CSMD1: variants seen among roughly 807,000 people sequenced by gnomAD.
The protein encoded by CSMD1 is CUB and Sushi multiple domains 1.
In CSMD1, 213 loss-of-function variants were observed where a neutral mutation model predicts 417.5. That is an observed-to-expected ratio of 0.51 (90% confidence interval 0.46 to 0.57). CSMD1 has a LOEUF of 0.57. CSMD1 is among the 20% of genes least tolerant of loss of function. CSMD1 has a pLI of 0.00. For synonymous variants in CSMD1, 2,862 were observed against 1,736.8 expected (o/e 1.65, Z -16.11); for missense variants, 6,923 against 4,529.7 (o/e 1.53, Z -15.17).
At chr8:3,484,497 TAGA>T (rs1817914277) in intron 11 of CSMD1, among the ~76,000 whole-genome samples, 1 of 152,176 alleles carries the variant, frequency 6.6e-6, no homozygotes, top group Non-Finnish European at 1.5e-5. Context: ...GGAATATGTA[TAGA>T]AGGACTCCTC....
intron 3 of CSMD1, among the ~76,000 whole-genome samples, chr8:4,417,970 CTT>C (rs572785026): frequency 1.4e-4 from 22 of 151,908 alleles, no homozygotes; most frequent in Non-Finnish European, 1.8e-4. Flanking sequence ...ATTATCTTAC[CTT>C]ACTCTTCCAC....
At chr8:4,195,077 G>T (rs1368078920) in intron 3 of CSMD1, among the ~76,000 whole-genome samples, 1 of 152,156 alleles carries the variant, frequency 6.6e-6, no homozygotes, top group Non-Finnish European at 1.5e-5. Flanking sequence ...GTTACGCCTA[G>T]AATTCTGCCC....
intron 2 of CSMD1, among the ~76,000 whole-genome samples, chr8:4,469,534 C>T (rs1800398423): frequency 2.0e-5 from 3 of 152,152 alleles, no homozygotes. Context: ...CGGAGCCTTC[C>T]TCTTCTCAAT....
chr8:4,006,510 C>G (rs1454207169), intron 4 of CSMD1, among the ~76,000 whole-genome samples: 2 of 152,186 alleles, frequency 1.3e-5, no homozygotes, highest in Admixed American at 1.3e-4. Context: ...CCCCACTGCA[C>G]TTGGCCTGAG....
chr8:4,341,159 G>T (rs1800455431), intron 3 of CSMD1, among the ~76,000 whole-genome samples: 1 of 152,062 alleles, frequency 6.6e-6, no homozygotes. Context: ...TTTTGAATTA[G>T]TAGGCGTTGA....
intron 2 of CSMD1, among the ~76,000 whole-genome samples, chr8:4,618,139 A>G (rs956346790): frequency 6.6e-6 from 1 of 152,098 alleles, no homozygotes; most frequent in Non-Finnish European, 1.5e-5. Context: ...GTCCTTCAAG[A>G]AAACAAAACC....
intron 3 of CSMD1, among the ~76,000 whole-genome samples, chr8:4,150,212 C>T (rs1043672370): frequency 1.3e-5 from 2 of 152,148 alleles, no homozygotes; most frequent in Non-Finnish European, 2.9e-5. Flanking sequence ...AGGATCGGCC[C>T]CAGGAAAACA....
At chr8:2,970,869 A>T (rs1804399101) in intron 57 of CSMD1, among the ~76,000 whole-genome samples, 1 of 152,222 alleles carries the variant, frequency 6.6e-6, no homozygotes, top group Non-Finnish European at 1.5e-5. Flanking sequence ...CATTTTTTGT[A>T]ACTCCACACT....
At chr8:4,661,043 C>A (rs192016864) in intron 1 of CSMD1, among the ~76,000 whole-genome samples, 3 of 152,074 alleles carry the variant, frequency 2.0e-5, no homozygotes, top group African/African-American at 2.4e-5. Context: ...CACAGCCACC[C>A]CGGGAAACAG....
chr8:4,740,071 C>G (rs1398651632), intron 1 of CSMD1, among the ~76,000 whole-genome samples: 1 of 152,014 alleles, frequency 6.6e-6, no homozygotes, highest in Non-Finnish European at 1.5e-5. Context: ...CTGAGAACTC[C>G]AAGCAGAATC....
chr8:3,849,679 T>C (rs910640127), intron 5 of CSMD1, among the ~76,000 whole-genome samples: 4 of 152,276 alleles, frequency 2.6e-5, no homozygotes, highest in South Asian at 2.1e-4. Flanking sequence ...TTTAGTGATG[T>C]TGTCAACTGC....
intron 18 of CSMD1, among the ~76,000 whole-genome samples, chr8:3,373,987 T>TCTTTGCC (rs767093568): frequency 4.1e-4 from 62 of 150,970 alleles, no homozygotes; most frequent in Non-Finnish European, 2.4e-4. Context: ...GAGACTTGCT[T>TCTTTGCC]CTTTGCCCAG....
chr8:3,817,003 A>G (rs1199870018), intron 5 of CSMD1, among the ~76,000 whole-genome samples: 1 of 152,128 alleles, frequency 6.6e-6, no homozygotes, highest in African/African-American at 2.4e-5. Context: ...AATGCTTCTC[A>G]TTGTGTTGTA....
intron 26 of CSMD1, among the ~76,000 whole-genome samples, chr8:3,272,740 G>T (rs373585622): frequency 2.7e-5 from 4 of 145,992 alleles, no homozygotes; most frequent in Non-Finnish European, 6.0e-5. Flanking sequence ...TTTGTCTGTT[G>T]TTGGTGTATA....
intron 26 of CSMD1, among the ~76,000 whole-genome samples, chr8:3,250,079 C>G (rs944397831): frequency 3.9e-5 from 6 of 152,274 alleles, no homozygotes; most frequent in Non-Finnish European, 8.8e-5. Context: ...TTTAATTATA[C>G]TTTGTTTTAG....
chr8:4,818,026 C>G (rs79185287), intron 1 of CSMD1, among the ~76,000 whole-genome samples: 1 of 152,116 alleles, frequency 6.6e-6, no homozygotes, highest in Non-Finnish European at 1.5e-5. Context: ...CAGTCAGCGT[C>G]ACAGTGACCA....
intron 10 of CSMD1, among the ~76,000 whole-genome samples, chr8:3,568,834 G>C (rs954316964): frequency 6.6e-6 from 1 of 151,768 alleles, no homozygotes; most frequent in South Asian, 2.1e-4. Flanking sequence ...AAGACCCTGG[G>C]GATAAACTTT....
intron 1 of CSMD1, among the ~76,000 whole-genome samples, chr8:4,809,546 G>C (rs1396763694): frequency 6.6e-6 from 1 of 152,146 alleles, no homozygotes; most frequent in African/African-American, 2.4e-5. Context: ...GAGGCCTTAG[G>C]TTTAAAAGCC....
rs548393153 is a variant in CSMD1, at chr8:3,281,288, C to CA, written c.4153+2855dup. On this transcript the variant is annotated intron_variant, in intron 26 of 69. Transcript: ENST00000635120. ...TGAAACCCTGTCTAGGCTAAAAATA[C>CA]AAAAAAATAGCCAGGTGTGTTGGTG... Among the ~76,000 whole-genome samples, 52 of 151,902 alleles carry CA rather than the reference C, an allele frequency of 3.4e-4. No homozygotes were observed. The East Asian group carries it at 6.6e-3, about 19-fold the overall frequency.
Sources: gnomAD v4.1 joint callset for allele counts (sites outside exome capture counted in the v4.1 genomes callset) on GRCh38, gnomAD v4.1.1 for gene constraint, MANE v1.5 for transcripts, NCBI Gene and HGNC (gene_info 2026-07-23, HGNC 2026-07-21) for gene names.